PROS1: variants seen among roughly 807,000 people sequenced by gnomAD.
PROS1 encodes protein S.
In PROS1, 29 loss-of-function variants were observed where a neutral mutation model predicts 75.9. That is an observed-to-expected ratio of 0.38 (90% CI 0.28 to 0.52). PROS1 has a LOEUF of 0.52. PROS1 is among the 20% of genes least tolerant of loss of function. The pLI is 0.83. For synonymous variants in PROS1, 245 were observed against 280.6 expected (o/e 0.87, Z 1.27); for missense variants, 680 against 810.3 (o/e 0.84, Z 1.95).
At chr3:93,894,356 T>A (rs192810725) in intron 9 of PROS1, among the ~76,000 whole-genome samples, 3 of 152,290 alleles carry the variant, frequency 2.0e-5, no homozygotes, top group East Asian at 3.9e-4. Context: ...AGTAGGAATT[T>A]ACTGAACTCA....
intron 2 of PROS1, among the ~76,000 whole-genome samples, chr3:93,925,920 T>C (rs1373727108): frequency 1.3e-5 from 2 of 151,872 alleles, no homozygotes; most frequent in Admixed American, 1.3e-4. Context: ...AGACCAATGC[T>C]AGAATTAGTG....
chr3:93,933,313 A>C (rs1709133707), intron 1 of PROS1, among the ~76,000 whole-genome samples: 1 of 152,178 alleles, frequency 6.6e-6, no homozygotes, highest in South Asian at 2.1e-4. Context: ...TGTGGCTCGC[A>C]CATGTAATCC....
intron 3 of PROS1, among the ~76,000 whole-genome samples, chr3:93,923,511 T>C (rs761984340): frequency 3.9e-5 from 6 of 152,216 alleles, no homozygotes; most frequent in Non-Finnish European, 8.8e-5. Flanking sequence ...ATATACTATC[T>C]TTTCTACACT....
chr3:93,896,713 AAAC>A (rs1708507202), intron 8 of PROS1, 22 bp from the exon 9 acceptor site: 1 of 1,538,512 alleles, frequency 6.5e-7, no homozygotes, highest in Non-Finnish European at 9.0e-7. Context: ...GAAACCAAAT[AAAC>A]AACAAGAAAA....
At chr3:93,887,792 C>G (rs925322495) in intron 10 of PROS1, among the ~76,000 whole-genome samples, 3 of 152,110 alleles carry the variant, frequency 2.0e-5, no homozygotes, top group African/African-American at 7.2e-5. Flanking sequence ...GGCCCCAGAC[C>G]TTTTTCCTGT....
chr3:93,888,920 C>T (rs1054337319), intron 10 of PROS1, among the ~76,000 whole-genome samples: 1 of 152,116 alleles, frequency 6.6e-6, no homozygotes, highest in African/African-American at 2.4e-5. Context: ...TCATCATGGC[C>T]TCCAAGGCCC....
intron 1 of PROS1, among the ~76,000 whole-genome samples, chr3:93,972,834 G>C (rs539587424): frequency 6.6e-6 from 1 of 152,254 alleles, no homozygotes; most frequent in East Asian, 1.9e-4. Context: ...GGGCAGCAGA[G>C]CGAGACTCAC....
At chr3:93,890,401 G>A (rs1448083186) in intron 10 of PROS1, among the ~76,000 whole-genome samples, 1 of 152,164 alleles carries the variant, frequency 6.6e-6, no homozygotes, top group Admixed American at 6.5e-5. Context: ...AGAAGCATGT[G>A]ATCTTTGGTC....
At position 93,877,169 on chromosome 3, in the gene PROS1, T is replaced by C. The variant is rs1434822575; in HGVS notation, c.1667A>G (p.Asn556Ser). 6.2e-7 allele frequency: 1 copy of C among 1,603,604 alleles called. No homozygotes were observed. Among genetic ancestry groups the C allele is most frequent in the South Asian group, 1.1e-5 (1 of 90,838 alleles). The change falls in exon 14 of 15, where the codon AAT (asparagine) becomes AGT (serine). Residue 556 changes from asparagine (N) to serine (S), a missense_variant. Physicochemically the swap from Asn to Ser is conservative, Grantham distance 46. Transcript: ENST00000394236. Reference protein sequence around the residue: ...KSQDILLSVENTVIYRIQALS... With the variant: ...KSQDILLSVESTVIYRIQALS... Reference sequence around the variant, plus strand: ...GGCCTGTATCCGATATATTACAGTATTTTCAACAGATAACAGAATATCCTG... The same window carrying C: ...GGCCTGTATCCGATATATTACAGTACTTTCAACAGATAACAGAATATCCTG...
chr3:93,972,684 CAAAA>C (rs372602802), intron 1 of PROS1, among the ~76,000 whole-genome samples: 3 of 112,084 alleles, frequency 2.7e-5, no homozygotes, highest in South Asian at 2.9e-4. Flanking sequence ...AGTAAAAATA[CAAAA>C]AAAAAAAAAA....
intron 1 of PROS1, among the ~76,000 whole-genome samples, chr3:93,972,145 A>G (rs183700352): frequency 1.9e-4 from 29 of 152,346 alleles, no homozygotes; most frequent in Admixed American, 1.2e-3. Context: ...TTCTATGATG[A>G]CAAGGAGTTA....
intron 2 of PROS1, among the ~76,000 whole-genome samples, chr3:93,925,477 GT>G (rs1289074570): frequency 1.3e-5 from 2 of 151,960 alleles, no homozygotes; most frequent in African/African-American, 4.8e-5. Context: ...ACAGGGAGTG[GT>G]TGGGTAGGGT....
rs773586094 is a variant in PROS1, at chr3:93,886,511, T to G, written c.1156-8A>C. The G allele has an allele frequency of 4.4e-6, 7 of 1,594,226 alleles. No homozygotes were observed. Among genetic ancestry groups the G allele is most frequent in the Non-Finnish European group, 6.0e-6 (7 of 1,162,386 alleles). On this transcript the variant is annotated splice_polypyrimidine_tract_variant and splice_region_variant and intron_variant, in intron 10 of 14. Coordinates refer to ENST00000394236, the MANE Select transcript of PROS1 (RefSeq NM_000313.4). ...TAATTCTTCCACAGACACCTACAAT[T>G]AAAAAGAAAAATTACCAAATAACCA... is the stretch of plus-strand genomic sequence containing the variant.
At chr3:93,879,730 ACTC>A (rs1468717412) in intron 12 of PROS1, among the ~76,000 whole-genome samples, 1 of 152,186 alleles carries the variant, frequency 6.6e-6, no homozygotes, top group Non-Finnish European at 1.5e-5. Context: ...TGCCATCATC[ACTC>A]CAAAGGATAA....
intron 1 of PROS1, among the ~76,000 whole-genome samples, chr3:93,936,173 G>T (rs930176743): frequency 9.9e-5 from 15 of 151,010 alleles, no homozygotes; most frequent in African/African-American, 3.6e-4. Flanking sequence ...GGTCCTTTAA[G>T]GAAGTAATTA....
intron 1 of PROS1, among the ~76,000 whole-genome samples, chr3:93,936,476 T>C (rs1204330281): frequency 1.3e-5 from 2 of 152,220 alleles, no homozygotes; most frequent in East Asian, 3.9e-4. Flanking sequence ...TTAGTGTCCT[T>C]ATAAGAAGGG....
At chr3:93,912,729 G>A (rs950078120) in intron 3 of PROS1, among the ~76,000 whole-genome samples, 1 of 152,136 alleles carries the variant, frequency 6.6e-6, no homozygotes, top group Non-Finnish European at 1.5e-5. Context: ...TCCCACAGCA[G>A]ATGGCAAAAG....
intron 1 of PROS1, among the ~76,000 whole-genome samples, chr3:93,951,043 G>GA (rs1709486880): frequency 6.6e-6 from 1 of 152,074 alleles, no homozygotes. Context: ...GAAGTTTAGA[G>GA]AAAAAAGAGT....
chr3:93,874,459 T>C lies in PROS1; in HGVS notation c.1871-54A>G, dbSNP rs573610202. ...TCCAAGACTTTTAGCATCTTGTTTG[T>C]TTACAGTGAGAGAAGTCATTCAGAC... On this transcript the variant is annotated intron_variant, in intron 14 of 14. Coordinates refer to ENST00000394236, the MANE Select transcript of PROS1 (RefSeq NM_000313.4). The C allele has an allele frequency of 2.5e-6, 4 of 1,599,984 alleles. No homozygotes were observed. In the African/African-American group the frequency reaches 5.4e-5, roughly 21 times the overall value.
Sources: gnomAD v4.1 joint callset for allele counts (sites outside exome capture counted in the v4.1 genomes callset) on GRCh38, gnomAD v4.1.1 for gene constraint, MANE v1.5 for transcripts, NCBI Gene and HGNC (gene_info 2026-07-23, HGNC 2026-07-21) for gene names.